The following NUP188 variants were observed in gnomAD, a reference collection of about 807,000 sequenced individuals.
NUP188 encodes nucleoporin 188.
A neutral mutation model predicts 223.0 loss-of-function variants in NUP188; 97 were observed. The ratio of observed to expected loss-of-function variants is 0.43; its 90% confidence interval spans 0.37 to 0.51. NUP188 has a LOEUF of 0.51. Among genes scored for constraint, NUP188 ranks in the 20% least tolerant of loss-of-function variants. NUP188 has a pLI of 0.00. For synonymous variants in NUP188, 869 were observed against 828.0 expected, an observed-to-expected ratio of 1.05 and a Z score of -0.85; for missense variants, 1,947 against 2,175.6, an observed-to-expected ratio of 0.89 and a Z score of 2.09.
At chr9:128,972,903 T>C (rs1032538685) in intron 11 of NUP188, among the ~76,000 whole-genome samples, 1 of 152,196 alleles carries the variant, frequency 6.6e-6, no homozygotes, top group Non-Finnish European at 1.5e-5. Context: ...GTTTTCTTTT[T>C]CCCCACACAA....
At chr9:128,967,296 A>ACC (rs1399403044) in intron 8 of NUP188, among the ~76,000 whole-genome samples, 1 of 152,110 alleles carries the variant, frequency 6.6e-6, no homozygotes, top group Non-Finnish European at 1.5e-5. Context: ...AGGCTTATAG[A>ACC]CGTGAGCCAC....
intron 8 of NUP188, among the ~76,000 whole-genome samples, chr9:128,967,770 A>G (rs1157550443): frequency 2.0e-5 from 3 of 151,532 alleles, no homozygotes; most frequent in Non-Finnish European, 4.4e-5. Flanking sequence ...AGCCTGGGGG[A>G]TAAGAGTGAG....
chr9:128,956,335 C>T lies in NUP188; in HGVS notation c.162-15C>T, dbSNP rs753558388. 18 of 1,483,492 alleles carry T rather than the reference C, an allele frequency of 1.2e-5. No individual in the cohort carries two copies. Among genetic ancestry groups the T allele is most frequent in the Middle Eastern group, 1.8e-4 (1 of 5,568 alleles). The allele number at this position is 1,483,492 out of a possible 1,614,324, so 91.9% of individuals were successfully genotyped here. On this transcript the variant is annotated splice_polypyrimidine_tract_variant and intron_variant, in intron 3 of 43. Coordinates refer to ENST00000372577, the MANE Select transcript of NUP188 (RefSeq NM_015354.3). ...CTATTGAGAATGAAGAAATGATTCACTGTTCTTTTTGTAGTCCAAGTTCAG... is the reference window on the plus strand; with the variant it reads ...CTATTGAGAATGAAGAAATGATTCATTGTTCTTTTTGTAGTCCAAGTTCAG...
intron 30 of NUP188, among the ~76,000 whole-genome samples, chr9:128,996,367 C>T (rs1842526430): frequency 6.6e-6 from 1 of 152,146 alleles, no homozygotes; most frequent in African/African-American, 2.4e-5. Flanking sequence ...TCAGGCTGGT[C>T]TCGAACTCCT....
intron 32 of NUP188, among the ~76,000 whole-genome samples, 192 bp from the exon 33 acceptor site, chr9:128,998,980 C>T (rs1319949593): frequency 6.6e-6 from 1 of 151,972 alleles, no homozygotes; most frequent in East Asian, 1.9e-4. Context: ...CCTCAACCTC[C>T]CTAGTAGCTG....
chr9:128,991,161 T>G (rs1842420737), intron 25 of NUP188, among the ~76,000 whole-genome samples: 1 of 144,742 alleles, frequency 6.9e-6, no homozygotes, highest in African/African-American at 2.6e-5. Flanking sequence ...GCTCCAGATT[T>G]CTTTTTTTTT....
intron 12 of NUP188, among the ~76,000 whole-genome samples, chr9:128,975,683 C>T (rs947188216): frequency 1.1e-4 from 16 of 151,762 alleles, no homozygotes; most frequent in African/African-American, 2.7e-4. Flanking sequence ...CCACGTCTGG[C>T]GAATTTTTGT....
intron 38 of NUP188, 145 bp from the exon 39 acceptor site, chr9:129,005,002 A>G: frequency 1.5e-6 from 1 of 679,578 alleles, no homozygotes; most frequent in Admixed American, 2.2e-5. Context: ...GAGGGAGAGA[A>G]GGGGAGCATG....
At position 128,998,153 on chromosome 9, in the gene NUP188, A is replaced by C. The variant is rs1362587937; in HGVS notation, c.3354A>C (p.Ala1118=). 1 of 1,613,214 alleles carries C rather than the reference A, an allele frequency of 6.2e-7. No homozygotes were observed. Among genetic ancestry groups the C allele is most frequent in the African/African-American group, 1.3e-5 (1 of 74,930 alleles). Residue 1118 remains alanine, a splice_region_variant and synonymous_variant, in exon 31 of 44, where the codon GCA becomes GCC. Coordinates refer to ENST00000372577, the MANE Select transcript of NUP188 (RefSeq NM_015354.3). ...AACCTTTTTCTGTTCCTTTGCAGGC[A>C]GATATAATGCACCTGACTGACTCTG... is the stretch of plus-strand genomic sequence containing the variant. ...RMLLIIATTH[A]DIMHLTDSVV...
chr9:128,973,361 A>C, intron 12 of NUP188, 112 bp downstream of exon 12: 1 of 663,904 alleles, frequency 1.5e-6, no homozygotes, highest in Admixed American at 2.9e-5. Flanking sequence ...TAATTTGTTT[A>C]CTGGCACTCA....
At chr9:128,987,237 C>T (rs1286680543) in intron 22 of NUP188, among the ~76,000 whole-genome samples, 1 of 152,012 alleles carries the variant, frequency 6.6e-6, no homozygotes, top group Non-Finnish European at 1.5e-5. Context: ...GGGCCAGTTA[C>T]TATGTATTCT....
At chr9:128,987,797 T>G (rs1053383954) in intron 23 of NUP188, 80 bp downstream of exon 23, 1 of 1,537,350 alleles carries the variant, frequency 6.5e-7, no homozygotes, top group African/African-American at 1.4e-5. Flanking sequence ...TAAGTTAACT[T>G]GCAGTAGCTT....
intron 8 of NUP188, among the ~76,000 whole-genome samples, chr9:128,965,295 G>C (rs1373394510): frequency 6.6e-6 from 1 of 151,984 alleles, no homozygotes; most frequent in Non-Finnish European, 1.5e-5. Flanking sequence ...TTGGTAATTT[G>C]TATCTTTTAA....
rs534401650 is a variant in NUP188, at chr9:128,984,114, G to A, written c.1961+564G>A. Reference sequence around the variant, plus strand: ...TGGGATTATAGGCGTGAGCCACCGCGCCTGGCCTGATTTTTTTTTTTTTTT... The same window carrying A: ...TGGGATTATAGGCGTGAGCCACCGCACCTGGCCTGATTTTTTTTTTTTTTT... On this transcript the variant is annotated intron_variant, in intron 19 of 43. Coordinates refer to ENST00000372577, the MANE Select transcript of NUP188 (RefSeq NM_015354.3). Among the ~76,000 whole-genome samples, 35 of 121,378 alleles carry A rather than the reference G, an allele frequency of 2.9e-4. No homozygotes were observed. In the East Asian group the frequency reaches 5.2e-3, roughly 18 times the overall value. The allele number at this position is 121,378 out of a possible 152,430, so 79.6% of individuals were successfully genotyped here. A position where few individuals can be genotyped will look rare whatever the true frequency, so the allele number is the denominator to read the frequency against.
chr9:128,973,485 C>G (rs369986682), intron 12 of NUP188, among the ~76,000 whole-genome samples: 7 of 152,072 alleles, frequency 4.6e-5, no homozygotes, highest in Non-Finnish European at 1.0e-4. Context: ...TGGGTTCGAG[C>G]GATTCTCCTG....
chr9:128,950,532 T>C (rs1254222430), intron 2 of NUP188, among the ~76,000 whole-genome samples: 1 of 152,172 alleles, frequency 6.6e-6, no homozygotes, highest in Non-Finnish European at 1.5e-5. Flanking sequence ...AAACACTTTT[T>C]TTTTGTTCCT....
intron 12 of NUP188, among the ~76,000 whole-genome samples, chr9:128,974,976 G>T (rs1180480909): frequency 2.6e-5 from 4 of 151,846 alleles, no homozygotes; most frequent in Admixed American, 6.6e-5. Flanking sequence ...GGCCAGGCTG[G>T]TCCCGAACTC....
At chr9:128,956,116 CTTTT>C (rs923240795) in intron 3 of NUP188, among the ~76,000 whole-genome samples, 2 of 148,930 alleles carry the variant, frequency 1.3e-5, no homozygotes. Flanking sequence ...AATTTAACCA[CTTTT>C]TTTTTGTTTT....
At chr9:128,978,877 A>AT (rs1842216152) in intron 12 of NUP188, among the ~76,000 whole-genome samples, 1 of 151,920 alleles carries the variant, frequency 6.6e-6, no homozygotes, top group Non-Finnish European at 1.5e-5. Flanking sequence ...CACCTGGCTA[A>AT]CTTTCGTATT....
Sources: allele counts gnomAD v4.1 joint callset (sites outside exome capture counted in the v4.1 genomes callset), GRCh38; gene constraint gnomAD v4.1.1; transcripts MANE v1.5; gene names NCBI Gene and HGNC (gene_info 2026-07-23, HGNC 2026-07-21).